SLC24A3: variants seen among roughly 807,000 people sequenced by gnomAD.
SLC24A3 encodes solute carrier family 24 member 3.
A neutral mutation model predicts 75.8 loss-of-function variants in SLC24A3; 28 were observed. The ratio of observed to expected loss-of-function variants is 0.37; its 90% confidence interval spans 0.27 to 0.51. The LOEUF (loss-of-function observed/expected upper bound fraction) is 0.51. Among genes scored for constraint, SLC24A3 ranks in the 20% least tolerant of loss-of-function variants. The pLI, the probability that SLC24A3 is intolerant of heterozygous loss-of-function variation, is 0.94. For missense variants in SLC24A3, 663 were observed against 847.8 expected, an observed-to-expected ratio of 0.78 and a Z score of 2.71; for synonymous variants, 372 against 334.1, an observed-to-expected ratio of 1.11 and a Z score of -1.24.
intron 2 of SLC24A3, among the ~76,000 whole-genome samples, chr20:19,472,165 T>G (rs576297538): frequency 2.6e-5 from 4 of 152,388 alleles, no homozygotes; most frequent in Admixed American, 2.0e-4. Flanking sequence ...GGTGCACTTG[T>G]GCTTTCCCTA....
intron 3 of SLC24A3, among the ~76,000 whole-genome samples, chr20:19,528,645 A>G (rs1298655402): frequency 6.6e-6 from 1 of 152,160 alleles, no homozygotes; most frequent in Non-Finnish European, 1.5e-5. Context: ...AAAGGTGGTC[A>G]TGAAACCTAC....
intron 2 of SLC24A3, among the ~76,000 whole-genome samples, chr20:19,490,348 T>C (rs1315647547): frequency 6.6e-6 from 1 of 152,086 alleles, no homozygotes; most frequent in African/African-American, 2.4e-5. Context: ...TTGAAAAATG[T>C]CTCCTGCCAT....
intron 2 of SLC24A3, among the ~76,000 whole-genome samples, chr20:19,472,065 G>C (rs964700699): frequency 6.6e-6 from 1 of 152,192 alleles, no homozygotes; most frequent in African/African-American, 2.4e-5. Flanking sequence ...TTCCTGTTGT[G>C]TAGAGCAGAA....
chr20:19,638,019 G>T (rs2032022034), intron 6 of SLC24A3, among the ~76,000 whole-genome samples: 1 of 152,090 alleles, frequency 6.6e-6, no homozygotes, highest in South Asian at 2.1e-4. Flanking sequence ...GGTAAAGTGT[G>T]CTGTGGTGGT....
intron 3 of SLC24A3, among the ~76,000 whole-genome samples, chr20:19,572,420 G>A (rs2031067938): frequency 6.6e-6 from 1 of 152,210 alleles, no homozygotes; most frequent in South Asian, 2.1e-4. Flanking sequence ...GGCACCTGAA[G>A]CTTAATTCAG....
At chr20:19,361,763 G>A (rs1390768034) in intron 2 of SLC24A3, among the ~76,000 whole-genome samples, 2 of 152,152 alleles carry the variant, frequency 1.3e-5, no homozygotes, top group Non-Finnish European at 2.9e-5. Context: ...TGATGGGTGG[G>A]TAGTTAAATA....
At chr20:19,658,003 C>T (rs2032284255) in intron 7 of SLC24A3, among the ~76,000 whole-genome samples, 1 of 152,172 alleles carries the variant, frequency 6.6e-6, no homozygotes, top group Non-Finnish European at 1.5e-5. Context: ...TCAAACCACT[C>T]TCCCTATTAT....
intron 3 of SLC24A3, among the ~76,000 whole-genome samples, chr20:19,553,480 A>G (rs914765610): frequency 6.6e-6 from 1 of 152,160 alleles, no homozygotes; most frequent in African/African-American, 2.4e-5. Flanking sequence ...CCTCTCTGTA[A>G]CACAACTGTG....
At chr20:19,662,528 A>G (rs964002569) in intron 7 of SLC24A3, among the ~76,000 whole-genome samples, 2 of 152,236 alleles carry the variant, frequency 1.3e-5, no homozygotes, top group African/African-American at 4.8e-5. Flanking sequence ...CTTCATTTCA[A>G]CTTCACTACC....
intron 1 of SLC24A3, among the ~76,000 whole-genome samples, chr20:19,271,350 G>A (rs1983324946): frequency 6.6e-6 from 1 of 152,020 alleles, no homozygotes; most frequent in African/African-American, 2.4e-5. Context: ...AGATGTTGGT[G>A]TGGATGTGGT....
intron 2 of SLC24A3, among the ~76,000 whole-genome samples, chr20:19,483,024 G>GT (rs1446345554): frequency 6.6e-6 from 1 of 152,200 alleles, no homozygotes; most frequent in Non-Finnish European, 1.5e-5. Context: ...CTTTGCTCAC[G>GT]TGACAACACA....
In SLC24A3 at chr20:19,647,803, G is replaced by A. The variant is rs190037065; in HGVS notation, c.613-6259G>A. ...AAGAGCACTCAAGAGATTATTCTAT[G>A]TCTGCACTGTCCTGATATGGCCTTG... On this transcript the variant is annotated intron_variant, in intron 6 of 16. Transcript: ENST00000328041. 2.0e-4 allele frequency among the ~76,000 whole-genome samples: 30 copies of A among 152,330 alleles called. 1 individual carries two copies. The East Asian group carries it at 5.2e-3, about 26-fold the overall frequency.
chr20:19,500,272 C>A (rs1052959747), intron 2 of SLC24A3, among the ~76,000 whole-genome samples: 1 of 152,174 alleles, frequency 6.6e-6, no homozygotes, highest in Non-Finnish European at 1.5e-5. Flanking sequence ...TCTCTCCAGT[C>A]CCCCAACTGT....
chr20:19,538,490 A>G (rs763558360), intron 3 of SLC24A3, among the ~76,000 whole-genome samples: 3 of 152,206 alleles, frequency 2.0e-5, no homozygotes, highest in Non-Finnish European at 4.4e-5. Context: ...CATAGATGAG[A>G]ATGTTCAAAT....
intron 2 of SLC24A3, among the ~76,000 whole-genome samples, chr20:19,297,175 T>C (rs1323107472): frequency 2.6e-5 from 4 of 152,218 alleles, no homozygotes; most frequent in African/African-American, 9.6e-5. Context: ...GCTATTTTAG[T>C]AGACTTCAAA....
At chr20:19,409,825 TATATA>T (rs1986712282) in intron 2 of SLC24A3, among the ~76,000 whole-genome samples, 1 of 148,156 alleles carries the variant, frequency 6.7e-6, no homozygotes, top group Non-Finnish European at 1.5e-5. Context: ...AGTTTGAATA[TATATA>T]ATATGTGTGT....
intron 1 of SLC24A3, among the ~76,000 whole-genome samples, chr20:19,258,828 A>G (rs1982898940): frequency 6.6e-6 from 1 of 152,176 alleles, no homozygotes; most frequent in Non-Finnish European, 1.5e-5. Context: ...CAGCTTGTGC[A>G]GGGTCGATCA....
At chr20:19,431,827 G>A (rs976166032) in intron 2 of SLC24A3, among the ~76,000 whole-genome samples, 1 of 151,846 alleles carries the variant, frequency 6.6e-6, no homozygotes, top group African/African-American at 2.4e-5. Flanking sequence ...CAACACAGAG[G>A]CATGGCTGTT....
intron 6 of SLC24A3, among the ~76,000 whole-genome samples, chr20:19,647,062 G>A (rs1478744138): frequency 6.6e-6 from 1 of 152,050 alleles, no homozygotes; most frequent in Non-Finnish European, 1.5e-5. Flanking sequence ...TGCCCTTGGG[G>A]TAGGAGGTGC....
Sources: gnomAD v4.1 joint callset for allele counts (sites outside exome capture counted in the v4.1 genomes callset) on GRCh38, gnomAD v4.1.1 for gene constraint, MANE v1.5 for transcripts, NCBI Gene and HGNC (gene_info 2026-07-23, HGNC 2026-07-21) for gene names.